VRK2: variants seen among roughly 807,000 people sequenced by gnomAD.
VRK2 encodes serine/threonine-protein kinase VRK2.
Under a neutral mutation model 57.6 loss-of-function variants are expected in VRK2, and 60 were observed. The observed-to-expected ratio is 1.04, with a 90% CI of 0.85 to 1.29. The LOEUF is 1.29. Among genes scored for constraint, VRK2 ranks in the 50% most tolerant of loss-of-function variants. The probability of loss-of-function intolerance (pLI) is 0.00; values close to 1 mark genes in which losing one functional copy is unlikely to be tolerated. For synonymous variants in VRK2, 231 were observed against 199.2 expected (o/e 1.16, Z -1.35); for missense variants, 705 against 588.1 (o/e 1.20, Z -2.06).
At chr2:58,061,266 GT>G (rs759267255) in intron 2 of VRK2, among the ~76,000 whole-genome samples, 2 of 151,888 alleles carry the variant, frequency 1.3e-5, no homozygotes, top group Non-Finnish European at 2.9e-5. Context: ...AAACAGCTAA[GT>G]TAGAGTTTAT....
At chr2:58,098,502 G>A (rs770358552) in intron 7 of VRK2, among the ~76,000 whole-genome samples, 4 of 151,862 alleles carry the variant, frequency 2.6e-5, no homozygotes, top group Non-Finnish European at 4.4e-5. Flanking sequence ...TCTTTTATAT[G>A]GTACTTTTAA....
intron 1 of VRK2, among the ~76,000 whole-genome samples, chr2:57,910,079 C>A (rs1325741363): frequency 2.0e-5 from 3 of 151,242 alleles, no homozygotes; most frequent in African/African-American, 7.3e-5. Context: ...TAAAATAAAC[C>A]CATACTACTT....
At chr2:57,970,882 T>A (rs1449427534) in intron 1 of VRK2, among the ~76,000 whole-genome samples, 1 of 152,048 alleles carries the variant, frequency 6.6e-6, no homozygotes, top group Non-Finnish European at 1.5e-5. Context: ...TCTTTAAATA[T>A]TTCATAAGAC....
At chr2:58,143,129 A>G (rs1159884030) in intron 11 of VRK2, among the ~76,000 whole-genome samples, 1 of 151,948 alleles carries the variant, frequency 6.6e-6, no homozygotes, top group Non-Finnish European at 1.5e-5. Flanking sequence ...TCTCAAAATA[A>G]TTCTATGAAC....
chr2:57,964,612 G>A (rs1488450952), intron 1 of VRK2, among the ~76,000 whole-genome samples: 3 of 152,138 alleles, frequency 2.0e-5, no homozygotes, highest in South Asian at 2.1e-4. Context: ...GGCCAGGCGC[G>A]GTGGCTCACA....
intron 1 of VRK2, among the ~76,000 whole-genome samples, chr2:57,927,028 G>GTC (rs1553361869): frequency 2.6e-5 from 4 of 151,044 alleles, no homozygotes; most frequent in Non-Finnish European, 1.5e-5. Flanking sequence ...GTGTGTGTGT[G>GTC]TGTCTGTCGT....
At chr2:58,043,013 T>TA (rs1160312960), upstream of VRK2, among the ~76,000 whole-genome samples, 3 of 151,904 alleles carry the variant, frequency 2.0e-5, no homozygotes, top group Admixed American at 1.3e-4. Context: ...TCCCAACACT[T>TA]AAAAAAAACA....
Position 58,123,218 on chromosome 2 carries a change from GC to G in VRK2, c.664del (p.His222ThrfsTer4). On this transcript the variant is annotated frameshift_variant, in exon 8 of 13. Transcript: ENST00000340157. LOFTEE classifies it high-confidence loss of function. ...GACAATAGAGTTTACCAGCTTGGAT[GC>G]CCACAAGGGAGTAGGTGGGTTTCTT... ...NGTIEFTSLD[A>X]HKGVALSRRS... 1.3e-6 allele frequency: 2 copies of G among 1,582,498 alleles called. No individual in the cohort carries two copies. Among genetic ancestry groups the G allele is most frequent in the East Asian group, 2.3e-5 (1 of 43,848 alleles).
intron 1 of VRK2, among the ~76,000 whole-genome samples, chr2:57,942,017 T>C (rs561466158): frequency 4.6e-5 from 7 of 152,336 alleles, no homozygotes; most frequent in African/African-American, 1.7e-4. Context: ...AGACAATGCA[T>C]AATGCACTGC....
chr2:58,007,008 T>C (rs564487791), intron 1 of VRK2, among the ~76,000 whole-genome samples: 1 of 151,970 alleles, frequency 6.6e-6, no homozygotes, highest in Non-Finnish European at 1.5e-5. Context: ...AAATGAATAA[T>C]ATTAATCTTT....
At chr2:58,071,860 C>T (rs1669405236) in intron 2 of VRK2, among the ~76,000 whole-genome samples, 1 of 151,908 alleles carries the variant, frequency 6.6e-6, no homozygotes, top group South Asian at 2.1e-4. Context: ...CTTTATATAT[C>T]AAGTTGAGGA....
intron 2 of VRK2, among the ~76,000 whole-genome samples, chr2:58,082,142 T>C (rs1293299650): frequency 1.3e-5 from 2 of 151,772 alleles, no homozygotes; most frequent in African/African-American, 4.8e-5. Context: ...GTGATGACCG[T>C]AGAGATTTTC....
intron 1 of VRK2, among the ~76,000 whole-genome samples, chr2:58,024,402 T>G (rs371612269): frequency 4.6e-5 from 7 of 152,028 alleles, no homozygotes; most frequent in Admixed American, 1.3e-4. Context: ...GAAGTTTTTT[T>G]GGGGGGGTGC....
At chr2:57,949,803 T>C (rs763105397) in intron 1 of VRK2, among the ~76,000 whole-genome samples, 1 of 152,216 alleles carries the variant, frequency 6.6e-6, no homozygotes, top group Non-Finnish European at 1.5e-5. Flanking sequence ...TTAGCCAAGA[T>C]GTGAATGCAA....
intron 2 of VRK2, among the ~76,000 whole-genome samples, chr2:58,073,816 C>A (rs1669690133): frequency 6.6e-6 from 1 of 151,856 alleles, no homozygotes; most frequent in South Asian, 2.1e-4. Flanking sequence ...TGTTCGAGGG[C>A]AGGAAGCATC....
intron 2 of VRK2, among the ~76,000 whole-genome samples, chr2:58,057,713 A>T (rs556287278): frequency 2.6e-5 from 4 of 152,310 alleles, no homozygotes; most frequent in African/African-American, 9.6e-5. Context: ...TTTTAATCCA[A>T]GTCTGTGAAA....
At chr2:58,081,127 G>A (rs183893388) in intron 2 of VRK2, among the ~76,000 whole-genome samples, 137 of 151,906 alleles carry the variant, frequency 9.0e-4, no homozygotes, top group Middle Eastern at 3.4e-3. Context: ...CTCTGTTTTG[G>A]TCTGGTTAAT....
intron 1 of VRK2, among the ~76,000 whole-genome samples, chr2:58,006,685 G>C (rs1430503853): frequency 6.6e-6 from 1 of 152,142 alleles, no homozygotes; most frequent in Non-Finnish European, 1.5e-5. Flanking sequence ...GGCAAGGTGG[G>C]TATGGTTACT....
chr2:57,951,986 T>C (rs1019113466), intron 1 of VRK2, among the ~76,000 whole-genome samples: 1 of 149,650 alleles, frequency 6.7e-6, no homozygotes, highest in African/African-American at 2.5e-5. Flanking sequence ...GTTGCACTAC[T>C]AGCCTCAAGA....
Sources: allele counts gnomAD v4.1 joint callset (sites outside exome capture counted in the v4.1 genomes callset), GRCh38; gene constraint gnomAD v4.1.1; transcripts MANE v1.5; gene names NCBI Gene and HGNC (gene_info 2026-07-23, HGNC 2026-07-21).